Variants in FBXO46 observed in about 807,000 individuals in gnomAD.
The protein encoded by FBXO46 is F-box protein 46, also known as F-box only protein 46.
FBXO46 carries 13 observed loss-of-function variants against 30.7 expected under a neutral mutation model. The observed-to-expected ratio is 0.42, with a 90% CI of 0.28 to 0.67. The LOEUF (loss-of-function observed/expected upper bound fraction) is 0.67, where lower values mean the gene tolerates loss of function less well. Ranked by LOEUF, FBXO46 falls within the 30% of genes least tolerant of loss-of-function variation. FBXO46 has a pLI of 0.21. For missense variants in FBXO46, 754 were observed against 871.5 expected (o/e 0.87, Z 1.70); for synonymous variants, 467 against 385.8 (o/e 1.21, Z -2.47).
At position 45,713,034 on chromosome 19, in the gene FBXO46, AG is replaced by A; in HGVS notation, c.461del (p.Pro154LeufsTer46). 2.6e-6 allele frequency: 4 copies of A among 1,558,254 alleles called. No homozygotes were observed. The highest frequency in any genetic ancestry group is 2.4e-5 in the South Asian group (2 of 84,826). ...PPDPGGREGP[P>X]AAEEGPASAG... ...CTGAGGCGGGGCCCTCCTCAGCAGCAGGGGGGCCCTCCCGGCCCCCTGGGTC... is the reference window on the plus strand; with the variant it reads ...CTGAGGCGGGGCCCTCCTCAGCAGCAGGGGGCCCTCCCGGCCCCCTGGGTC... On this transcript the variant is annotated frameshift_variant, in exon 2 of 2. Transcript: ENST00000317683. LOFTEE classifies it high-confidence loss of function. The surrounding 1 kb of genome is among the most constrained non-coding windows in gnomAD (Gnocchi z 4.7).
In FBXO46 at chr19:45,713,025, C is replaced by A. The variant is rs759735318; in HGVS notation, c.471G>T (p.Glu157Asp). ...CCTCACCGGCTGAGGCGGGGCCCTCCTCAGCAGCAGGGGGGCCCTCCCGGC... is the reference window on the plus strand; with the variant it reads ...CCTCACCGGCTGAGGCGGGGCCCTCATCAGCAGCAGGGGGGCCCTCCCGGC... ...PGGREGPPAA[E>D]EGPASAGEDV... The change falls in exon 2 of 2, where the codon GAG becomes GAT. Residue 157 changes from glutamate (E) to aspartate (D), a missense_variant. Physicochemically the swap from Glu to Asp is conservative, Grantham distance 45. Around this residue, in one of 5 missense-constraint regions of FBXO46, gnomAD observed 454 missense variants for 426.5 expected, o/e 1.06. Coordinates refer to ENST00000317683, the MANE Select transcript of FBXO46 (RefSeq NM_001080469.2). This position sits in a 1 kb window ranked among gnomAD's most constrained non-coding sequence, Gnocchi z 4.7. 6 of 1,557,930 alleles carry A rather than the reference C, an allele frequency of 3.9e-6. No individual in the cohort carries two copies. In the South Asian group the frequency reaches 5.9e-5, roughly 15 times the overall value.
intron 1 of FBXO46, among the ~76,000 whole-genome samples, chr19:45,727,267 A>T (rs1475258071): frequency 6.6e-6 from 1 of 151,978 alleles, no homozygotes; most frequent in Admixed American, 6.6e-5. Flanking sequence ...AAAAAAGAAA[A>T]AAAAAAAGAG....
chr19:45,731,378 G>T (rs1968309863), upstream of FBXO46, among the ~76,000 whole-genome samples: 1 of 148,906 alleles, frequency 6.7e-6, no homozygotes, highest in South Asian at 2.1e-4. Flanking sequence ...GTGCAGTGGC[G>T]CAATTTCGGC....
At position 45,713,883 on chromosome 19, in the gene FBXO46, G is replaced by T. The variant is rs545404478; in HGVS notation, c.-78-310C>A. On this transcript the variant is annotated intron_variant, in intron 1 of 1. Transcript: ENST00000317683. This position sits in a 1 kb window ranked among gnomAD's most constrained non-coding sequence, Gnocchi z 4.7. ...CTTGGGAGGCTGAGGCACGAGAATC[G>T]CTTGAACCTGGGAGGTGGAGGTTGC... Among the ~76,000 whole-genome samples the T allele has an allele frequency of 1.3e-5, 2 of 148,738 alleles. No individual in the cohort carries two copies. The highest frequency in any genetic ancestry group is 2.0e-4 in the East Asian group (1 of 5,090).
Position 45,712,500 on chromosome 19 carries a change from C to G in FBXO46, c.996G>C (p.Glu332Asp). ...GTGCCGGGCTGTCACCCTCACTGGC[C>G]TCATCCGCCCTGGCCAGCAGGAACT... ...NVEFLLARAD[E>D]ASEGDSPAPA... The change falls in exon 2 of 2, where the codon GAG (glutamate) becomes GAC (aspartate). Residue 332 changes from glutamate (E) to aspartate (D), a missense_variant. Physicochemically the swap from Glu to Asp is conservative, Grantham distance 45. Around this residue, in one of 5 missense-constraint regions of FBXO46, gnomAD observed 454 missense variants for 426.5 expected, o/e 1.06. Transcript: ENST00000317683. The surrounding 1 kb of genome is among the most constrained non-coding windows in gnomAD (Gnocchi z 8.8). The G allele has an allele frequency of 6.2e-7, 1 of 1,604,822 alleles. No individual in the cohort carries two copies. Among genetic ancestry groups the G allele is most frequent in the Non-Finnish European group, 8.5e-7 (1 of 1,175,200 alleles).
At position 45,711,614 on chromosome 19, in the gene FBXO46, C is replaced by G; in HGVS notation, c.*70G>C. The G allele has an allele frequency of 7.9e-7, 1 of 1,261,790 alleles. No homozygotes were observed. The allele number at this position is 1,261,790 out of a possible 1,614,324, so 78.2% of individuals were successfully genotyped here. ...AGGGGAATGGGCAGGCGGCCCAGTC[C>G]GGACCCTCGGCTCCCGGGGGGAGAG... On this transcript the variant is annotated 3_prime_UTR_variant, in exon 2 of 2. Coordinates refer to ENST00000317683, the MANE Select transcript of FBXO46 (RefSeq NM_001080469.2).
chr19:45,730,686 T>G (rs1968296617), intron 1 of FBXO46, among the ~76,000 whole-genome samples, 163 bp downstream of exon 1: 1 of 151,450 alleles, frequency 6.6e-6, no homozygotes, highest in Admixed American at 6.6e-5. Context: ...AAGCCACCAT[T>G]CTTCTACTAC....
At chr19:45,724,052 C>T (rs1252621896) in intron 1 of FBXO46, among the ~76,000 whole-genome samples, 1 of 152,008 alleles carries the variant, frequency 6.6e-6, no homozygotes, top group Non-Finnish European at 1.5e-5. Context: ...GGTAAAAATA[C>T]CATTTTGTAT....
In FBXO46 at chr19:45,711,701, G is replaced by T; in HGVS notation, c.1795C>A (p.Arg599=). The T allele has an allele frequency of 6.6e-7, 1 of 1,520,744 alleles. No homozygotes were observed. The highest frequency in any genetic ancestry group is 8.8e-7 in the Non-Finnish European group (1 of 1,135,768). The allele number at this position is 1,520,744 out of a possible 1,614,324, so 94.2% of individuals were successfully genotyped here. ...CNGPGGGRAG[R]EEGR ...CCCCGGCTTCACCTCCCCTCCTCCC[G>T]GCCGGCCCGGCCCCCGCCTGGCCCA... Residue 599 remains arginine, a synonymous_variant, in exon 2 of 2, where the codon CGG becomes AGG. Coordinates refer to ENST00000317683, the MANE Select transcript of FBXO46 (RefSeq NM_001080469.2).
At chr19:45,732,007 C>G (rs557273329), upstream of FBXO46, among the ~76,000 whole-genome samples, 1 of 151,602 alleles carries the variant, frequency 6.6e-6, no homozygotes, top group East Asian at 2.0e-4. Context: ...GTCCCAGCTA[C>G]TCGGGAGGCT....
chr19:45,711,455 A>C lies in FBXO46; in HGVS notation c.*229T>G, dbSNP rs76683623. On this transcript the variant is annotated 3_prime_UTR_variant, in exon 2 of 2. Coordinates refer to ENST00000317683, the MANE Select transcript of FBXO46 (RefSeq NM_001080469.2). ...GTGAGATGCTGATAAAAAAAAAAAA[A>C]ACACCCTTCTCAGAGGGTCCACGGC... 2 of 682,262 alleles carry C rather than the reference A, an allele frequency of 2.9e-6. No individual in the cohort carries two copies. Among genetic ancestry groups the C allele is most frequent in the Non-Finnish European group, 5.3e-6 (2 of 375,564 alleles). The allele number at this position is 682,262 out of a possible 1,614,324, so 42.3% of individuals were successfully genotyped here. A position where few individuals can be genotyped will look rare whatever the true frequency, so the allele number is the denominator to read the frequency against.
At position 45,713,408 on chromosome 19, in the gene FBXO46, C is replaced by T. The variant is rs576590274; in HGVS notation, c.88G>A (p.Ala30Thr). ...YSQNQPRPPS[A>T]ALKPSACPEP... ...GGGCAGGCTGATGGCTTGAGGGCCG[C>T]AGAAGGCGGGCGTGGCTGGTTCTGT... is the stretch of plus-strand genomic sequence containing the variant. The change falls in exon 2 of 2, where the codon GCG becomes ACG. Residue 30 changes from alanine (A) to threonine (T), a missense_variant. By Grantham distance (58) the Ala-to-Thr change is moderately conservative. This residue lies in a region of FBXO46 where 97 missense variants were observed against 113.0 expected (regional missense o/e 0.86). Coordinates refer to ENST00000317683, the MANE Select transcript of FBXO46 (RefSeq NM_001080469.2). The surrounding 1 kb of genome is among the most constrained non-coding windows in gnomAD (Gnocchi z 4.7). 48 of 1,609,158 alleles carry T rather than the reference C, an allele frequency of 3.0e-5. No homozygotes were observed. The South Asian group carries it at 4.2e-4, about 14-fold the overall frequency.
At position 45,711,464 on chromosome 19, in the gene FBXO46, C is replaced by G; in HGVS notation, c.*220G>C. ...TGATAAAAAAAAAAAAAACACCCTTCTCAGAGGGTCCACGGCCCTGGTTCT... is the reference window on the plus strand; with the variant it reads ...TGATAAAAAAAAAAAAAACACCCTTGTCAGAGGGTCCACGGCCCTGGTTCT... On this transcript the variant is annotated 3_prime_UTR_variant, in exon 2 of 2. Coordinates refer to ENST00000317683, the MANE Select transcript of FBXO46 (RefSeq NM_001080469.2). 1.5e-6 allele frequency: 1 copy of G among 683,242 alleles called. No homozygotes were observed. The highest frequency in any genetic ancestry group is 2.7e-6 in the Non-Finnish European group (1 of 374,570). The allele number at this position is 683,242 out of a possible 1,614,324, so 42.3% of individuals were successfully genotyped here. A position where few individuals can be genotyped will look rare whatever the true frequency, so the allele number is the denominator to read the frequency against.
Position 45,713,274 on chromosome 19 carries a change from TGA to T in FBXO46, c.220_221del (p.Ala75SerfsTer5). ...GACCCTCATCACCAGCAGCTGCTGCTGAGAGGAGCGGAGCCGGCTGGGAGGCA... is the reference window on the plus strand; with the variant it reads ...GACCCTCATCACCAGCAGCTGCTGCTGAGGAGCGGAGCCGGCTGGGAGGCA... ...VPASQPAPLL[S>X]AAAAGDEGRV... On this transcript the variant is annotated frameshift_variant, in exon 2 of 2. Transcript: ENST00000317683. LOFTEE classifies it high-confidence loss of function. This position sits in a 1 kb window ranked among gnomAD's most constrained non-coding sequence, Gnocchi z 4.7. 6.2e-7 allele frequency: 1 copy of T among 1,613,856 alleles called. No homozygotes were observed. The highest frequency in any genetic ancestry group is 8.5e-7 in the Non-Finnish European group (1 of 1,179,830).
intron 1 of FBXO46, among the ~76,000 whole-genome samples, chr19:45,718,627 T>C (rs1001978108): frequency 1.4e-4 from 21 of 151,986 alleles, no homozygotes; most frequent in African/African-American, 4.1e-4. Context: ...GCAGTTTTAT[T>C]AGAGAGGCCT....
At chr19:45,729,155 G>A (rs1208122809) in intron 1 of FBXO46, among the ~76,000 whole-genome samples, 1 of 151,602 alleles carries the variant, frequency 6.6e-6, no homozygotes, top group African/African-American at 2.4e-5. Context: ...AGGGCCAGGC[G>A]CAATGGCTCA....
At position 45,713,178 on chromosome 19, in the gene FBXO46, G is replaced by A; in HGVS notation, c.318C>T (p.Ala106=). ...CCCGGCTGCCCCCACCACACTGGTG[G>A]GCCACAAAGAAGGCCACCTTCTCCT... ...NTKEKVAFFV[A]HQCGGGSRAS... Residue 106 remains alanine, a synonymous_variant, in exon 2 of 2, where the codon GCC becomes GCT. Transcript: ENST00000317683. The surrounding 1 kb of genome is among the most constrained non-coding windows in gnomAD (Gnocchi z 4.7). 1.2e-6 allele frequency: 2 copies of A among 1,613,798 alleles called. No individual in the cohort carries two copies. The highest frequency in any genetic ancestry group is 1.1e-5 in the South Asian group (1 of 91,076).
chr19:45,726,589 A>T (rs903201645), intron 1 of FBXO46, among the ~76,000 whole-genome samples: 1 of 151,954 alleles, frequency 6.6e-6, no homozygotes, highest in African/African-American at 2.4e-5. Context: ...CGGACGTTGC[A>T]GTGAGCCAAG....
chr19:45,729,888 A>T (rs1180704755), intron 1 of FBXO46, among the ~76,000 whole-genome samples: 1 of 152,188 alleles, frequency 6.6e-6, no homozygotes, highest in Admixed American at 6.5e-5. Flanking sequence ...CGCCTCTGGG[A>T]CTGGACTGGA....
Sources: allele counts gnomAD v4.1 joint callset (sites outside exome capture counted in the v4.1 genomes callset), GRCh38; gene constraint gnomAD v4.1.1; regional missense constraint gnomAD v4.1.1; non-coding constraint Gnocchi (gnomAD v3.1); transcripts MANE v1.5; gene names NCBI Gene and HGNC (gene_info 2026-07-23, HGNC 2026-07-21).